CR1: variants seen among roughly 807,000 people sequenced by gnomAD.
CR1 encodes complement C3b/C4b receptor 1 (Knops blood group), also known as complement receptor type 1.
CR1 carries 116 observed loss-of-function variants against 187.3 expected under a neutral mutation model. The observed-to-expected ratio is 0.62, with a 90% CI of 0.53 to 0.72. CR1 has a LOEUF of 0.72. Among genes scored for constraint, CR1 ranks in the 30% least tolerant of loss-of-function variants. The pLI is 0.00. For synonymous variants in CR1, 576 were observed against 747.1 expected (o/e 0.77, Z 3.73); for missense variants, 1,731 against 2,110.7 (o/e 0.82, Z 3.52).
intron 1 of CR1, among the ~76,000 whole-genome samples, chr1:207,504,386 A>G (rs1404437987): frequency 2.0e-5 from 3 of 152,226 alleles, no homozygotes; most frequent in Non-Finnish European, 4.4e-5. Flanking sequence ...ACCATAAAAT[A>G]TAGCAATTTA....
At chr1:207,509,006 CAAATA>C (rs1659535412) in intron 3 of CR1, among the ~76,000 whole-genome samples, 1 of 152,170 alleles carries the variant, frequency 6.6e-6, no homozygotes, top group Non-Finnish European at 1.5e-5. Context: ...CCTTTGTGCT[CAAATA>C]AACTCTATCC....
chr1:207,582,681 G>A (rs1341933165), intron 32 of CR1, among the ~76,000 whole-genome samples: 1 of 152,178 alleles, frequency 6.6e-6, no homozygotes, highest in Non-Finnish European at 1.5e-5. Flanking sequence ...AGAGATGTTG[G>A]CCCAGGATAG....
At chr1:207,630,698 T>TA (rs1415671593) in intron 46 of CR1, 77 bp downstream of exon 46, 1 of 997,534 alleles carries the variant, frequency 1.0e-6, no homozygotes, top group Non-Finnish European at 1.5e-6. Flanking sequence ...TTGAATATGA[T>TA]ATTGCACTAG....
chr1:207,566,479 G>T (rs754251859), intron 24 of CR1, among the ~76,000 whole-genome samples: 2 of 150,122 alleles, frequency 1.3e-5, no homozygotes, highest in Non-Finnish European at 2.9e-5. Context: ...CAATGAACAA[G>T]ATGGATGAAT....
At chr1:207,590,407 T>C (rs1408658424) in intron 35 of CR1, among the ~76,000 whole-genome samples, 1 of 152,144 alleles carries the variant, frequency 6.6e-6, no homozygotes, top group Non-Finnish European at 1.5e-5. Flanking sequence ...GACAAGCAAA[T>C]GCTGAGGGAT....
Position 207,580,617 on chromosome 1 carries a change from AGT to A in CR1, c.5216+8_5216+9del, listed in dbSNP as rs761415886. 36 of 1,609,822 alleles carry A rather than the reference AGT, an allele frequency of 2.2e-5. No individual in the cohort carries two copies. In the African/African-American group the frequency reaches 3.9e-4, roughly 17 times the overall value. On this transcript the variant is annotated splice_donor_5th_base_variant and intron_variant, in intron 31 of 46. Transcript: ENST00000367049. ...TGTCCTTTGTCTGTGATGAAGGGTAAGTGTGACCCAGAATTCAGATCAGGGAC... is the reference window on the plus strand; with the variant it reads ...TGTCCTTTGTCTGTGATGAAGGGTAAGTGACCCAGAATTCAGATCAGGGAC...
chr1:207,596,229 C>T (rs1333872591), intron 35 of CR1, among the ~76,000 whole-genome samples: 2 of 152,002 alleles, frequency 1.3e-5, no homozygotes, highest in African/African-American at 2.4e-5. Context: ...TGAATTAATA[C>T]ATGTATTTTA....
intron 1 of CR1, among the ~76,000 whole-genome samples, chr1:207,505,699 G>A (rs369506416): frequency 3.3e-5 from 5 of 151,996 alleles, no homozygotes; most frequent in Non-Finnish European, 7.4e-5. Flanking sequence ...GCCAGGTGTG[G>A]TGGTGGGCAC....
chr1:207,580,655 A>T, intron 31 of CR1, 42 bp downstream of exon 31: 2 of 1,522,362 alleles, frequency 1.3e-6, no homozygotes, highest in Non-Finnish European at 1.8e-6. Context: ...TCAGCACTGC[A>T]GAGTGACTCT....
rs1419156456 is a variant in CR1 at position 207,554,586 on chromosome 1, A to T, written c.3101+1735A>T. ...TTCCTGCCTGCTAACAACGGCAGCCATTCTGCAGCCCATGGCTGAAGGAGT... is the reference window on the plus strand; with the variant it reads ...TTCCTGCCTGCTAACAACGGCAGCCTTTCTGCAGCCCATGGCTGAAGGAGT... On this transcript the variant is annotated intron_variant, in intron 19 of 46. Coordinates refer to ENST00000367049, the MANE Select transcript of CR1 (RefSeq NM_000651.6). Among the ~76,000 whole-genome samples the T allele has an allele frequency of 5.9e-5, 2 of 33,922 alleles. 1 individual carries two copies. Among genetic ancestry groups the T allele is most frequent in the Non-Finnish European group, 8.9e-5 (2 of 22,400 alleles). 22.3% of individuals were successfully genotyped at this position (33,922 alleles called of 152,430 possible).
intron 46 of CR1, 149 bp from the exon 47 acceptor site, chr1:207,639,248 T>C: frequency 1.6e-6 from 1 of 642,010 alleles, no homozygotes; most frequent in East Asian, 2.8e-5. Context: ...AACATTTCCC[T>C]CCAAATGTTC....
rs528378477 is a variant in CR1 at position 207,585,655 on chromosome 1, G to A, written c.5530+779G>A. On this transcript the variant is annotated intron_variant, in intron 33 of 46. Coordinates refer to ENST00000367049, the MANE Select transcript of CR1 (RefSeq NM_000651.6). ...CCCTGAGAGACAAGAGCCAGCCAAG[G>A]TGAAAAGACTAAACCTGATGAAAGG... Among the ~76,000 whole-genome samples, 9 of 152,336 alleles carry A rather than the reference G, an allele frequency of 5.9e-5. No individual in the cohort carries two copies. The East Asian group carries it at 1.7e-3, about 29-fold the overall frequency.
At chr1:207,581,209 TATACATATGGACACGTATATGTAGAC>T (rs1558245436) in intron 31 of CR1, among the ~76,000 whole-genome samples, 5 of 150,532 alleles carry the variant, frequency 3.3e-5, no homozygotes, top group African/African-American at 9.8e-5. Context: ...TATGTAGACG[TATACATATGGACACGTATATGTAGAC>T]GTATACATAT....
intron 3 of CR1, among the ~76,000 whole-genome samples, chr1:207,508,599 A>G (rs1258879509): frequency 6.6e-6 from 1 of 152,206 alleles, no homozygotes; most frequent in African/African-American, 2.4e-5. Context: ...TCAATATCTT[A>G]ATGTTGATGT....
chr1:207,567,164 G>A (rs1320231013), intron 24 of CR1, among the ~76,000 whole-genome samples: 3 of 150,096 alleles, frequency 2.0e-5, no homozygotes, highest in African/African-American at 2.5e-5. Flanking sequence ...ATGCTAGAAA[G>A]GAGTAACAAC....
Position 207,617,505 on chromosome 1 carries a change from ATATG to A in CR1, c.6890-564_6890-561del, listed in dbSNP as rs1376631081. ...AAAGTATATATATATATATATATAT[ATATG>A]TGTGTGTGTGTGTGTGTGTGTGTGT... On this transcript the variant is annotated intron_variant, in intron 41 of 46. Coordinates refer to ENST00000367049, the MANE Select transcript of CR1 (RefSeq NM_000651.6). Among the ~76,000 whole-genome samples the A allele has an allele frequency of 1.7e-3, 71 of 40,880 alleles. 7 individuals are homozygous for A. Among genetic ancestry groups the A allele is most frequent in the African/African-American group, 3.4e-3 (44 of 12,986 alleles). 26.8% of individuals were successfully genotyped at this position (40,880 alleles called of 152,430 possible).
chr1:207,572,484 CT>C (rs1465278946), intron 27 of CR1, among the ~76,000 whole-genome samples: 1 of 151,782 alleles, frequency 6.6e-6, no homozygotes, highest in African/African-American at 2.4e-5. Flanking sequence ...ATCAATAAAC[CT>C]TTTTTTAAAG....
intron 3 of CR1, among the ~76,000 whole-genome samples, chr1:207,510,737 C>T (rs531098606): frequency 7.0e-4 from 105 of 150,756 alleles, no homozygotes; most frequent in Middle Eastern, 3.5e-3. Flanking sequence ...TTCCTTCCTT[C>T]CTTCCTTCTT....
chr1:207,614,925 T>C (rs1662049503), intron 40 of CR1, among the ~76,000 whole-genome samples: 1 of 152,114 alleles, frequency 6.6e-6, no homozygotes, highest in Non-Finnish European at 1.5e-5. Flanking sequence ...CCCTCGCACC[T>C]CAGCCTCCCA....
Sources: gnomAD v4.1 joint callset for allele counts (sites outside exome capture counted in the v4.1 genomes callset) on GRCh38, gnomAD v4.1.1 for gene constraint, MANE v1.5 for transcripts, NCBI Gene and HGNC (gene_info 2026-07-23, HGNC 2026-07-21) for gene names.